The following TK2 variants were observed in gnomAD, a reference collection of about 807,000 sequenced individuals.
The protein encoded by TK2 is thymidine kinase 2, mitochondrial.
In TK2, 35 loss-of-function variants were observed where a neutral mutation model predicts 41.9. That is an observed-to-expected ratio of 0.84 (90% CI 0.64 to 1.11). The LOEUF is 1.11. TK2 is among the 50% of genes least tolerant of loss of function. The pLI is 0.00. For synonymous variants in TK2, 128 were observed against 129.1 expected (o/e 0.99, Z 0.06); for missense variants, 320 against 351.1 (o/e 0.91, Z 0.71).
intron 6 of TK2, among the ~76,000 whole-genome samples, chr16:66,520,637 G>A (rs11859474): frequency 0.063 from 9,602 of 152,176 alleles, 994 homozygotes; most frequent in African/African-American, 0.22. Flanking sequence ...ATGCTGCCAC[G>A]ACTACATTGT....
chr16:66,517,988 C>A lies in TK2; in HGVS notation c.450-111G>T, dbSNP rs1964667239. The A allele has an allele frequency of 1.3e-5, 11 of 876,268 alleles. No homozygotes were observed. Among genetic ancestry groups the A allele is most frequent in the Non-Finnish European group, 2.1e-5 (11 of 513,736 alleles). 54.3% of individuals were successfully genotyped at this position (876,268 alleles called of 1,614,324 possible). A position where few individuals can be genotyped will look rare whatever the true frequency, so the allele number is the denominator to read the frequency against. On this transcript the variant is annotated intron_variant, in intron 6 of 9. Coordinates refer to ENST00000544898, the MANE Select transcript of TK2 (RefSeq NM_004614.5). The surrounding 1 kb of genome is among the most constrained non-coding windows in gnomAD (Gnocchi z 4.3). ...TCAATGAAAGGAGTCACCAAGGGTA[C>A]CAGGGCACAGTGTGATCCGTGCAAT...
At chr16:66,538,117 C>T (rs1170911804) in intron 3 of TK2, among the ~76,000 whole-genome samples, 3 of 152,068 alleles carry the variant, frequency 2.0e-5, no homozygotes, top group Non-Finnish European at 4.4e-5. Flanking sequence ...GAGCCAAGAT[C>T]GCGCTACTGC....
At chr16:66,521,275 G>A (rs939306351) in intron 6 of TK2, among the ~76,000 whole-genome samples, 1 of 152,202 alleles carries the variant, frequency 6.6e-6, no homozygotes, top group African/African-American at 2.4e-5. Flanking sequence ...ACACCTGTGG[G>A]GGACTCTGGG....
At chr16:66,548,910 T>C in intron 2 of TK2, 68 bp downstream of exon 2, 1 of 1,486,306 alleles carries the variant, frequency 6.7e-7, no homozygotes, top group East Asian at 2.3e-5. Flanking sequence ...CTTTTTACTC[T>C]GCTTTTTTCT....
chr16:66,546,756 T>G (rs1319502426), intron 2 of TK2: 1 of 150,788 alleles, frequency 6.6e-6, no homozygotes. Flanking sequence ...CTATTTGATT[T>G]TTTTTTTTTT....
rs1296006912 is a variant in TK2 at position 66,514,363 on chromosome 16, C to T, written c.619-552G>A. Among the ~76,000 whole-genome samples, 12 of 152,222 alleles carry T rather than the reference C, an allele frequency of 7.9e-5. No individual in the cohort carries two copies. The highest frequency in any genetic ancestry group is 2.1e-4 in the South Asian group (1 of 4,832). ...CTCCAGCTCCTAACCGCGAGTGATC[C>T]GCCAGCCTCGGCCTCCCGAGGTGCC... On this transcript the variant is annotated intron_variant, in intron 8 of 9. Transcript: ENST00000544898. This position sits in a 1 kb window ranked among gnomAD's most constrained non-coding sequence, Gnocchi z 4.2.
In TK2 at chr16:66,514,844, T is replaced by C. The variant is rs1964562438; in HGVS notation, c.619-1033A>G. Among the ~76,000 whole-genome samples the C allele has an allele frequency of 6.6e-6, 1 of 152,208 alleles. No homozygotes were observed. Among genetic ancestry groups the C allele is most frequent in the Admixed American group, 6.5e-5 (1 of 15,284 alleles). Reference sequence around the variant, plus strand: ...TAAGAAAAATTCTTCTGCCTTGGGATGCTGTTAGTCTATAACCTTACCCCC... The same window carrying C: ...TAAGAAAAATTCTTCTGCCTTGGGACGCTGTTAGTCTATAACCTTACCCCC... On this transcript the variant is annotated intron_variant, in intron 8 of 9. Coordinates refer to ENST00000544898, the MANE Select transcript of TK2 (RefSeq NM_004614.5). The surrounding 1 kb of genome is among the most constrained non-coding windows in gnomAD (Gnocchi z 4.2).
chr16:66,529,670 GC>G (rs1965048382), intron 5 of TK2, among the ~76,000 whole-genome samples: 1 of 152,184 alleles, frequency 6.6e-6, no homozygotes, highest in East Asian at 1.9e-4. Flanking sequence ...CCTCTGGGAA[GC>G]AAGAGGCGCC....
At chr16:66,516,219 A>C (rs1964609173) in intron 8 of TK2, among the ~76,000 whole-genome samples, 1 of 151,166 alleles carries the variant, frequency 6.6e-6, no homozygotes, top group African/African-American at 2.4e-5. Flanking sequence ...AAGGAAGGTC[A>C]GGGGTGGCTT....
At chr16:66,545,403 T>C (rs535030945) in intron 2 of TK2, among the ~76,000 whole-genome samples, 23 of 152,142 alleles carry the variant, frequency 1.5e-4, no homozygotes, top group Non-Finnish European at 3.1e-4. Context: ...CAAAAGAAAC[T>C]TGCCCAAACG....
chr16:66,516,895 C>T (rs1597077879), intron 8 of TK2, among the ~76,000 whole-genome samples: 1 of 152,080 alleles, frequency 6.6e-6, no homozygotes, highest in East Asian at 1.9e-4. Context: ...GGAACGCCTC[C>T]AAGCAGGAGG....
chr16:66,543,548 G>A (rs556529478), intron 2 of TK2, among the ~76,000 whole-genome samples: 4 of 152,240 alleles, frequency 2.6e-5, no homozygotes, highest in South Asian at 2.1e-4. Context: ...AGAGGGGCCC[G>A]ACCTGCTGCA....
chr16:66,538,255 T>C (rs1224204605), intron 3 of TK2, among the ~76,000 whole-genome samples: 1 of 152,156 alleles, frequency 6.6e-6, no homozygotes, highest in Non-Finnish European at 1.5e-5. Flanking sequence ...TTTGCTTACG[T>C]TGTTTCTTCT....
rs774147817 is a variant in TK2, at chr16:66,529,002, C to T, written c.441G>A (p.Leu147=). ...TATTCAAACTACAGTACCTTCTATA[C>T]AGGTTTTCTACAAAAATGTATCTTG... ...HSARYIFVEN[L]YRSGKMPEVD... The change falls in exon 6 of 10, where the codon CTG becomes CTA. Residue 147 remains leucine (L), a synonymous_variant. Transcript: ENST00000544898. 1 of 1,613,990 alleles carries T rather than the reference C, an allele frequency of 6.2e-7. No homozygotes were observed. Among genetic ancestry groups the T allele is most frequent in the Non-Finnish European group, 8.5e-7 (1 of 1,179,960 alleles).
chr16:66,543,316 G>C (rs1168055863), intron 2 of TK2, among the ~76,000 whole-genome samples: 1 of 152,188 alleles, frequency 6.6e-6, no homozygotes, highest in East Asian at 1.9e-4. Context: ...TAAACATGAG[G>C]TGGCACCAGG....
chr16:66,539,097 A>C (rs560026436), intron 3 of TK2, among the ~76,000 whole-genome samples: 4 of 152,316 alleles, frequency 2.6e-5, no homozygotes, highest in Non-Finnish European at 4.4e-5. Context: ...CTGGATGTTA[A>C]CTATCGTTGT....
intron 4 of TK2, among the ~76,000 whole-genome samples, chr16:66,532,901 C>T (rs1185639804): frequency 6.6e-6 from 1 of 151,700 alleles, no homozygotes; most frequent in Non-Finnish European, 1.5e-5. Flanking sequence ...TATGAAACCA[C>T]AAAAGACCCC....
intron 1 of TK2, chr16:66,549,574 C>CA: frequency 9.2e-7 from 1 of 1,086,640 alleles, no homozygotes; most frequent in Non-Finnish European, 1.1e-6. Context: ...CCCACGCTGG[C>CA]ACCAGAGTGT....
intron 6 of TK2, among the ~76,000 whole-genome samples, chr16:66,520,376 C>A (rs1964744683): frequency 6.6e-6 from 1 of 152,162 alleles, no homozygotes. Context: ...CCTCACCCCA[C>A]CCCAAGCTTC....
Sources: gnomAD v4.1 joint callset for allele counts (sites outside exome capture counted in the v4.1 genomes callset) on GRCh38, gnomAD v4.1.1 for gene constraint, Gnocchi (gnomAD v3.1) non-coding constraint, MANE v1.5 for transcripts, NCBI Gene and HGNC (gene_info 2026-07-23, HGNC 2026-07-21) for gene names.